The following PRSS23 variants were observed in gnomAD, a reference collection of about 807,000 sequenced individuals.
The protein encoded by PRSS23 is protease, serine 23.
PRSS23 carries 25 observed loss-of-function variants against 34.7 expected under a neutral mutation model. The observed-to-expected ratio is 0.72, with a 90% CI of 0.53 to 1.01. The LOEUF is 1.01. PRSS23 is among the 50% of genes least tolerant of loss of function. The pLI, the probability that PRSS23 is intolerant of heterozygous loss-of-function variation, is 0.00. For synonymous variants in PRSS23, 176 were observed against 186.6 expected (o/e 0.94, Z 0.46); for missense variants, 445 against 475.6 (o/e 0.94, Z 0.60).
At chr11:86,911,667 A>G (rs571260820) in intron 2 of PRSS23, 1 of 152,342 alleles carries the variant, frequency 6.6e-6, no homozygotes, top group South Asian at 2.1e-4. Context: ...TTCACATCAC[A>G]TCACTTTCAA....
rs539675739 is a variant in PRSS23 at position 86,794,606 on chromosome 11, T to G, written c.-14+3411T>G. 2.0e-5 allele frequency among the ~76,000 whole-genome samples: 3 copies of G among 152,322 alleles called. No individual in the cohort carries two copies. In the East Asian group the frequency reaches 5.8e-4, roughly 29 times the overall value. ...CTTTTATATATTACACCTTCACATA[T>G]TTACATTTAGAGTGCCTGACTACCT... On this transcript the variant is annotated intron_variant, in intron 1 of 1. Coordinates refer to the PRSS23 transcript ENST00000527521.
intron 2 of PRSS23, among the ~76,000 whole-genome samples, chr11:86,844,782 C>T (rs1205388877): frequency 6.6e-6 from 1 of 152,192 alleles, no homozygotes; most frequent in Non-Finnish European, 1.5e-5. Flanking sequence ...GATGAAAGAA[C>T]AGGCAGCAAA....
chr11:86,797,117 T>C (rs1369823909), upstream of PRSS23, among the ~76,000 whole-genome samples: 2 of 152,258 alleles, frequency 1.3e-5, no homozygotes, highest in African/African-American at 4.8e-5. Flanking sequence ...TTGCCCTGAA[T>C]GCATTTTGAA....
At chr11:86,816,768 GA>G (rs1948217754) in intron 1 of PRSS23, among the ~76,000 whole-genome samples, 1 of 152,330 alleles carries the variant, frequency 6.6e-6, no homozygotes, top group Non-Finnish European at 1.5e-5. Flanking sequence ...TACTTTCACA[GA>G]AAAGATGTGT....
chr11:86,917,175 C>T (rs1949018733), intron 2 of PRSS23, among the ~76,000 whole-genome samples: 1 of 152,138 alleles, frequency 6.6e-6, no homozygotes, highest in African/African-American at 2.4e-5. Flanking sequence ...CAAAATGACC[C>T]AGGCGTGGTG....
At chr11:86,796,133 G>T (rs1947978872), upstream of PRSS23, among the ~76,000 whole-genome samples, 1 of 152,182 alleles carries the variant, frequency 6.6e-6, no homozygotes, top group South Asian at 2.1e-4. Context: ...ATCAGAAACT[G>T]ATGCAACCTC....
At chr11:86,912,725 T>C (rs1369156370) in intron 2 of PRSS23, among the ~76,000 whole-genome samples, 1 of 152,222 alleles carries the variant, frequency 6.6e-6, no homozygotes, top group Non-Finnish European at 1.5e-5. Context: ...AATAACTACT[T>C]TAAAATTCTC....
At chr11:86,840,619 A>C (rs562921536) in intron 2 of PRSS23, among the ~76,000 whole-genome samples, 83 of 152,328 alleles carry the variant, frequency 5.4e-4, no homozygotes, top group African/African-American at 1.9e-3. Flanking sequence ...CCTAATAGAC[A>C]TCTACAGAAC....
chr11:86,804,193 G>A (rs35029679), intron 1 of PRSS23, among the ~76,000 whole-genome samples: 10,844 of 152,168 alleles, frequency 0.071, 440 homozygotes, highest in Middle Eastern at 0.11. Flanking sequence ...GAAGCTTGTA[G>A]CTTTAATACA....
chr11:86,797,644 T>C (rs538073421), upstream of PRSS23, among the ~76,000 whole-genome samples: 19 of 152,266 alleles, frequency 1.2e-4, no homozygotes, highest in South Asian at 6.2e-4. Context: ...ACTTGAAACA[T>C]TGCAACTACT....
At chr11:86,900,781 C>CTCTCTCTTTTTTTTTTT (rs775258446) in intron 2 of PRSS23, among the ~76,000 whole-genome samples, 1 of 94,020 alleles carries the variant, frequency 1.1e-5, no homozygotes, top group African/African-American at 4.5e-5. Context: ...ATCTCTCTCT[C>CTCTCTCTTTTTTTTTTT]TTTTTTTTTT....
chr11:86,857,739 G>A, intron 2 of PRSS23: 2 of 948,424 alleles, frequency 2.1e-6, no homozygotes, highest in South Asian at 2.6e-5. Flanking sequence ...CCGCATAAGA[G>A]ATGACTCTGC....
intron 2 of PRSS23, among the ~76,000 whole-genome samples, chr11:86,853,332 G>A (rs532490973): frequency 3.3e-5 from 4 of 119,716 alleles, no homozygotes; most frequent in East Asian, 3.0e-4. Context: ...TGGGCTCACC[G>A]CAACCTCCGC....
chr11:86,929,330 A>AC (rs1365808816), intron 2 of PRSS23, among the ~76,000 whole-genome samples: 1 of 151,038 alleles, frequency 6.6e-6, no homozygotes, highest in African/African-American at 2.4e-5. Flanking sequence ...CTCAAAAAAA[A>AC]AAAACAAAAA....
intron 2 of PRSS23, among the ~76,000 whole-genome samples, chr11:86,920,006 G>A (rs890572054): frequency 6.6e-6 from 1 of 152,174 alleles, no homozygotes; most frequent in African/African-American, 2.4e-5. Context: ...CAAGTAGACT[G>A]CAGACGCCAG....
chr11:86,902,419 C>T (rs549360407), intron 2 of PRSS23, among the ~76,000 whole-genome samples: 1 of 152,250 alleles, frequency 6.6e-6, no homozygotes, highest in African/African-American at 2.4e-5. Context: ...TCATTCTTAT[C>T]TTTGGATGAC....
chr11:86,833,540 G>A (rs772132504), intron 2 of PRSS23: 1 of 255,204 alleles, frequency 3.9e-6, no homozygotes, highest in Non-Finnish European at 7.6e-6. Flanking sequence ...CATACAAAGG[G>A]AGGGGATCCA....
chr11:86,857,356 A>G (rs1025405976), intron 2 of PRSS23: 1 of 274,752 alleles, frequency 3.6e-6, no homozygotes, highest in Non-Finnish European at 6.8e-6. Context: ...ATAGTAAGAC[A>G]AAAGGATCCC....
At chr11:86,848,377 G>A (rs1016429974) in intron 2 of PRSS23, among the ~76,000 whole-genome samples, 2 of 152,174 alleles carry the variant, frequency 1.3e-5, no homozygotes, top group African/African-American at 4.8e-5. Context: ...TTGCCCACAG[G>A]GGAACAGGCA....
Sources: gnomAD v4.1 joint callset for allele counts (sites outside exome capture counted in the v4.1 genomes callset) on GRCh38, gnomAD v4.1.1 for gene constraint, MANE v1.5 for transcripts, NCBI Gene and HGNC (gene_info 2026-07-23, HGNC 2026-07-21) for gene names.